RPS6KC1: variants seen among roughly 807,000 people sequenced by gnomAD.
RPS6KC1 encodes the protein ribosomal protein S6 kinase C1, also known as inactive ribosomal protein S6 kinase delta-1.
RPS6KC1 carries 54 observed loss-of-function variants against 103.8 expected under a neutral mutation model. That is an observed-to-expected ratio of 0.52 (90% CI 0.42 to 0.65). RPS6KC1 has a LOEUF of 0.65. RPS6KC1 is among the 30% of genes least tolerant of loss of function. The pLI, the probability that RPS6KC1 is intolerant of heterozygous loss-of-function variation, is 0.00. For missense variants in RPS6KC1, 1,151 were observed against 1,253.8 expected (o/e 0.92, Z 1.24); for synonymous variants, 439 against 438.7 (o/e 1.00, Z -0.01).
chr1:213,782,105 A>C, the RPS6KC1 span, among the ~76,000 whole-genome samples: 3 of 152,170 alleles, frequency 2.0e-5, no homozygotes, highest in Non-Finnish European at 4.4e-5. Flanking sequence ...GGTTTAACAC[A>C]ACAAAGGTTT....
intron 3 of RPS6KC1, among the ~76,000 whole-genome samples, chr1:213,096,156 C>T (rs1473122287): frequency 1.3e-5 from 2 of 152,232 alleles, no homozygotes; most frequent in African/African-American, 2.4e-5. Flanking sequence ...ACAGTGTTCA[C>T]AGCATCTTCA....
the RPS6KC1 span, among the ~76,000 whole-genome samples, chr1:213,390,408 A>T: frequency 5.9e-5 from 9 of 152,264 alleles, no homozygotes; most frequent in East Asian, 1.5e-3. Flanking sequence ...GGCAAAACAG[A>T]TGCAACAATG....
At chr1:213,061,129 C>A (rs2077799854) in intron 1 of RPS6KC1, among the ~76,000 whole-genome samples, 1 of 152,126 alleles carries the variant, frequency 6.6e-6, no homozygotes, top group Non-Finnish European at 1.5e-5. Flanking sequence ...ACCCTCATGA[C>A]CTGATTACCT....
the RPS6KC1 span, among the ~76,000 whole-genome samples, chr1:213,536,882 G>C: frequency 6.6e-6 from 1 of 152,152 alleles, no homozygotes; most frequent in Non-Finnish European, 1.5e-5. Flanking sequence ...ACATACAGGG[G>C]AGAGCCCAGT....
At chr1:213,780,589 T>G in the RPS6KC1 span, among the ~76,000 whole-genome samples, 1 of 152,224 alleles carries the variant, frequency 6.6e-6, no homozygotes, top group East Asian at 1.9e-4. Flanking sequence ...TATTTTGAGT[T>G]TTTGAATCCA....
the RPS6KC1 span, among the ~76,000 whole-genome samples, chr1:213,554,983 A>G: frequency 1.3e-5 from 2 of 152,192 alleles, no homozygotes; most frequent in Admixed American, 1.3e-4. Flanking sequence ...CAAGGATAGA[A>G]TTTTTTAAAG....
At chr1:213,233,162 ATTAATATTGT>A (rs2094143946) in intron 10 of RPS6KC1, among the ~76,000 whole-genome samples, 1 of 152,158 alleles carries the variant, frequency 6.6e-6, no homozygotes, top group Admixed American at 6.6e-5. Context: ...GCAGTAAACA[ATTAATATTGT>A]TTATTGTGAA....
the RPS6KC1 span, among the ~76,000 whole-genome samples, chr1:213,602,220 TCTTCCTTCCTTCCTTCCTC>T: frequency 3.5e-4 from 40 of 113,604 alleles, no homozygotes; most frequent in African/African-American, 7.9e-4. Context: ...CTCCATTCCT[TCTTCCTTCCTTCCTTCCTC>T]TCTTTCTCTC....
the RPS6KC1 span, among the ~76,000 whole-genome samples, chr1:213,311,858 G>A: frequency 6.6e-6 from 1 of 150,994 alleles, no homozygotes; most frequent in Non-Finnish European, 1.5e-5. Context: ...GCAGTTCTTA[G>A]TGCTGAAGGA....
At chr1:213,329,213 T>C in the RPS6KC1 span, among the ~76,000 whole-genome samples, 2 of 152,202 alleles carry the variant, frequency 1.3e-5, no homozygotes, top group African/African-American at 4.8e-5. Context: ...GACTCCTTTC[T>C]TCCAGGAAAC....
chr1:213,717,246 G>T, the RPS6KC1 span, among the ~76,000 whole-genome samples: 1 of 152,286 alleles, frequency 6.6e-6, no homozygotes, highest in East Asian at 1.9e-4. Context: ...AAGATAAATC[G>T]CATAATGGAA....
chr1:213,085,629 A>G (rs1398926952), intron 3 of RPS6KC1, among the ~76,000 whole-genome samples: 1 of 151,610 alleles, frequency 6.6e-6, no homozygotes, highest in Non-Finnish European at 1.5e-5. Flanking sequence ...GTACCTCTCC[A>G]CCTTTGCTGT....
intron 12 of RPS6KC1, among the ~76,000 whole-genome samples, chr1:213,251,964 T>TAG (rs2094553525): frequency 6.6e-6 from 1 of 152,176 alleles, no homozygotes; most frequent in Non-Finnish European, 1.5e-5. Context: ...TTAATAGACC[T>TAG]TTATAGGTGA....
At chr1:213,445,241 C>T in the RPS6KC1 span, among the ~76,000 whole-genome samples, 1,216 of 152,222 alleles carry the variant, frequency 8.0e-3, 11 homozygotes, top group Non-Finnish European at 0.013. Context: ...TTTATTTCTC[C>T]GTTCATCAGT....
the RPS6KC1 span, among the ~76,000 whole-genome samples, chr1:213,527,682 T>G: frequency 6.6e-6 from 1 of 152,180 alleles, no homozygotes; most frequent in African/African-American, 2.4e-5. Context: ...TTTAAAAATT[T>G]TAATTGACAC....
the RPS6KC1 span, among the ~76,000 whole-genome samples, chr1:213,388,831 C>T: frequency 6.6e-6 from 1 of 152,190 alleles, no homozygotes; most frequent in Non-Finnish European, 1.5e-5. Flanking sequence ...GGGAGGGTTA[C>T]AGAAACAGAT....
chr1:213,065,013 G>A (rs1348329914), intron 1 of RPS6KC1, among the ~76,000 whole-genome samples: 11 of 97,968 alleles, frequency 1.1e-4, no homozygotes, highest in African/African-American at 1.6e-4. Context: ...GTCTTGCTCC[G>A]TTGCCCAGGT....
chr1:213,728,937 G>GTTTTTTTTTTTTTTTTTCTTTTTTTT, the RPS6KC1 span, among the ~76,000 whole-genome samples: 1 of 93,416 alleles, frequency 1.1e-5, no homozygotes, highest in Non-Finnish European at 1.9e-5. Flanking sequence ...GAACATGAGG[G>GTTTTTTTTTTTTTTTTTCTTTTTTTT]TTTTTTTTTT....
chr1:213,381,154 C>T, the RPS6KC1 span, among the ~76,000 whole-genome samples: 302 of 152,164 alleles, frequency 2.0e-3, 1 homozygote, highest in Non-Finnish European at 3.5e-3. Context: ...TGTGGCCAAG[C>T]GACGAATAAC....
Sources: gnomAD v4.1 joint callset for allele counts (sites outside exome capture counted in the v4.1 genomes callset) on GRCh38, gnomAD v4.1.1 for gene constraint, MANE v1.5 for transcripts, NCBI Gene and HGNC (gene_info 2026-07-23, HGNC 2026-07-21) for gene names.